INSR: variants seen among roughly 807,000 people sequenced by gnomAD.
The protein encoded by INSR is IR.
A neutral mutation model predicts 142.6 loss-of-function variants in INSR; 67 were observed. The ratio of observed to expected loss-of-function variants is 0.47; its 90% CI spans 0.39 to 0.58. The LOEUF (loss-of-function observed/expected upper bound fraction) is 0.58, where lower values mean the gene tolerates loss of function less well. Among genes scored for constraint, INSR ranks in the 20% least tolerant of loss-of-function variants. The pLI is 0.00. For synonymous variants in INSR, 756 were observed against 743.1 expected, an observed-to-expected ratio of 1.02 and a Z score of -0.28; for missense variants, 1,248 against 1,833.2, an observed-to-expected ratio of 0.68 and a Z score of 5.83.
chr19:7,196,107 G>T (rs906375949), intron 2 of INSR, among the ~76,000 whole-genome samples: 1 of 150,890 alleles, frequency 6.6e-6, no homozygotes, highest in African/African-American at 2.4e-5. Context: ...GGCTAATTTT[G>T]TATTTTTAGT....
Position 7,150,679 on chromosome 19 carries a change from G to C in INSR, c.2232-147C>G, listed in dbSNP as rs1045474032. 2.2e-5 allele frequency: 16 copies of C among 743,640 alleles called. No individual in the cohort carries two copies. The highest frequency in any genetic ancestry group is 8.5e-5 in the African/African-American group (5 of 58,518). The allele number at this position is 743,640 out of a possible 1,614,324, so 46.1% of individuals were successfully genotyped here. A position where few individuals can be genotyped will look rare whatever the true frequency, so the allele number is the denominator to read the frequency against. ...ACTCGCTCCCATCACTTGCTAGACG[G>C]AGTGAGCTACATCTTCCCCAGCAGG... On this transcript the variant is annotated intron_variant, in intron 10 of 21. Coordinates refer to ENST00000302850, the MANE Select transcript of INSR (RefSeq NM_000208.4). This position sits in a 1 kb window ranked among gnomAD's most constrained non-coding sequence, Gnocchi z 4.2.
At chr19:7,152,183 G>T in intron 10 of INSR, 1 of 202,496 alleles carries the variant, frequency 4.9e-6, no homozygotes, top group South Asian at 7.9e-5. Flanking sequence ...CTGAGGTCAG[G>T]GGTTAGAGAC....
At chr19:7,163,602 C>A (rs1973814904) in intron 8 of INSR, among the ~76,000 whole-genome samples, 1 of 151,380 alleles carries the variant, frequency 6.6e-6, no homozygotes, top group Non-Finnish European at 1.5e-5. Flanking sequence ...CCACCACCAA[C>A]CAACCAAACA....
chr19:7,230,636 A>C (rs576088872), intron 2 of INSR, among the ~76,000 whole-genome samples: 1 of 152,150 alleles, frequency 6.6e-6, no homozygotes, highest in South Asian at 2.1e-4. Context: ...GTGAAACCCC[A>C]TCTCGACTAA....
At chr19:7,126,890 T>TG (rs1246136403) in intron 15 of INSR, among the ~76,000 whole-genome samples, 6 of 151,416 alleles carry the variant, frequency 4.0e-5, no homozygotes, top group African/African-American at 1.5e-4. Flanking sequence ...TTTTTTTTTG[T>TG]TTTGTTTTTG....
At chr19:7,221,412 G>GGA (rs1453438542) in intron 2 of INSR, among the ~76,000 whole-genome samples, 8 of 127,904 alleles carry the variant, frequency 6.3e-5, no homozygotes, top group East Asian at 2.8e-4. Flanking sequence ...GAGGAAAGAA[G>GGA]AAGAAGAAGA....
chr19:7,151,925 T>TAGGA (rs1386299376), intron 10 of INSR: 1 of 151,822 alleles, frequency 6.6e-6, no homozygotes, highest in Non-Finnish European at 1.5e-5. Context: ...CCCCATGGGC[T>TAGGA]AGGAGTTCAG....
chr19:7,208,592 G>A (rs75328042), intron 2 of INSR, among the ~76,000 whole-genome samples: 2,274 of 152,280 alleles, frequency 0.015, 53 homozygotes, highest in African/African-American at 0.052. Flanking sequence ...AGCTGTGGCC[G>A]GGCGCAGTGG....
At position 7,184,505 on chromosome 19, in the gene INSR, C is replaced by T. The variant is rs778061866; in HGVS notation, c.785G>A (p.Gly262Asp). 9 of 1,614,000 alleles carry T rather than the reference C, an allele frequency of 5.6e-6. No homozygotes were observed. In the South Asian group the frequency reaches 7.7e-5, roughly 14 times the overall value. ...GGGCGGGCAGGTCTCCACACACCTG[C>T]CGTCCAGGTAGAAGTTGCGGCAGGC... ...CVACRNFYLD[G>D]RCVETCPPPY... Residue 262 changes from glycine to aspartate, a missense_variant, in exon 3 of 22, where the codon GGC becomes GAC. Coordinates refer to ENST00000302850, the MANE Select transcript of INSR (RefSeq NM_000208.4).
intron 9 of INSR, among the ~76,000 whole-genome samples, chr19:7,156,273 C>T (rs1399782751): frequency 6.6e-6 from 1 of 151,856 alleles, no homozygotes; most frequent in East Asian, 2.0e-4. Context: ...GTTGGCCAGG[C>T]TGGTCTGGAA....
At chr19:7,287,993 A>C (rs1350132482) in intron 1 of INSR, among the ~76,000 whole-genome samples, 1 of 152,214 alleles carries the variant, frequency 6.6e-6, no homozygotes, top group East Asian at 1.9e-4. Context: ...CTGCATTTAC[A>C]AAAACCGTGG....
chr19:7,205,229 C>T (rs10426094), intron 2 of INSR, among the ~76,000 whole-genome samples: 28,031 of 152,208 alleles, frequency 0.18, 2,893 homozygotes, highest in Non-Finnish European at 0.23. Context: ...GACCTTTCCA[C>T]AGCCTAGAGG....
intron 2 of INSR, among the ~76,000 whole-genome samples, chr19:7,191,899 G>GAA (rs386388475): frequency 6.9e-6 from 1 of 145,380 alleles, no homozygotes; most frequent in African/African-American, 2.5e-5. Flanking sequence ...GGGAGAGAGA[G>GAA]AAAAGAAAGA....
At chr19:7,155,031 T>C (rs1973553973) in intron 9 of INSR, among the ~76,000 whole-genome samples, 1 of 152,072 alleles carries the variant, frequency 6.6e-6, no homozygotes, top group African/African-American at 2.4e-5. Flanking sequence ...AATAAACTCA[T>C]AAATACACAG....
At chr19:7,224,852 G>A (rs1330113183) in intron 2 of INSR, among the ~76,000 whole-genome samples, 3 of 147,218 alleles carry the variant, frequency 2.0e-5, no homozygotes, top group African/African-American at 2.5e-5. Context: ...TCCCCCAAAC[G>A]CCCAATAAAT....
At position 7,192,960 on chromosome 19, in the gene INSR, G is replaced by A. The variant is rs553665626; in HGVS notation, c.653-8323C>T. Among the ~76,000 whole-genome samples the A allele has an allele frequency of 7.2e-5, 11 of 152,144 alleles. No homozygotes were observed. The South Asian group carries it at 2.3e-3, about 32-fold the overall frequency. ...ACCGCTGTGTCAGAGTCCTCTGGTG[G>A]ACCCTCCCCAAGAAAGACAATGTCC... On this transcript the variant is annotated intron_variant, in intron 2 of 21. Transcript: ENST00000302850. This position sits in a 1 kb window ranked among gnomAD's most constrained non-coding sequence, Gnocchi z 4.2.
intron 11 of INSR, among the ~76,000 whole-genome samples, chr19:7,146,673 C>T (rs1018200866): frequency 2.0e-5 from 3 of 152,132 alleles, no homozygotes; most frequent in African/African-American, 4.8e-5. Flanking sequence ...TTTGAAAGAA[C>T]GTGTCTATAA....
intron 2 of INSR, among the ~76,000 whole-genome samples, chr19:7,257,099 T>C (rs1052336735): frequency 2.6e-5 from 4 of 151,762 alleles, no homozygotes; most frequent in African/African-American, 7.3e-5. Context: ...CCCACCACCA[T>C]ACCCAGCTAA....
chr19:7,279,917 G>GACATC (rs1968159840), intron 1 of INSR, among the ~76,000 whole-genome samples: 1 of 151,802 alleles, frequency 6.6e-6, no homozygotes, highest in African/African-American at 2.4e-5. Context: ...GCGGAGGCCT[G>GACATC]ACATCACACC....
Sources: allele counts gnomAD v4.1 joint callset (sites outside exome capture counted in the v4.1 genomes callset), GRCh38; gene constraint gnomAD v4.1.1; non-coding constraint Gnocchi (gnomAD v3.1); transcripts MANE v1.5; gene names NCBI Gene and HGNC (gene_info 2026-07-23, HGNC 2026-07-21).